The following MMP28 variants were observed in gnomAD, a reference collection of about 807,000 sequenced individuals.
MMP28 encodes the protein matrix metallopeptidase 28, also known as matrix metalloproteinase-28.
A neutral mutation model predicts 60.5 loss-of-function variants in MMP28; 55 were observed. The observed-to-expected ratio is 0.91, with a 90% CI of 0.73 to 1.14. The LOEUF is 1.14. Among genes scored for constraint, MMP28 ranks in the 50% most tolerant of loss-of-function variants. The pLI, the probability that MMP28 is intolerant of heterozygous loss-of-function variation, is 0.00. For synonymous variants in MMP28, 318 were observed against 312.5 expected (o/e 1.02, Z -0.18); for missense variants, 686 against 738.3 (o/e 0.93, Z 0.82).
chr17:35,795,417 C>A lies in MMP28; in HGVS notation c.-40G>T. On this transcript the variant is annotated 5_prime_UTR_variant, in exon 1 of 8. Transcript: ENST00000605424. ...TGCAGCCCGGCTCGGGGAGCTACTGCGCGCAGGGAACCAGCCGGCAGTCAG... is the reference window on the plus strand; with the variant it reads ...TGCAGCCCGGCTCGGGGAGCTACTGAGCGCAGGGAACCAGCCGGCAGTCAG... 22 of 1,351,042 alleles carry A rather than the reference C, an allele frequency of 1.6e-5. No homozygotes were observed. The highest frequency in any genetic ancestry group is 2.0e-5 in the Non-Finnish European group (21 of 1,049,640). The allele number at this position is 1,351,042 out of a possible 1,614,324, so 83.7% of individuals were successfully genotyped here. A position where few individuals can be genotyped will look rare whatever the true frequency, so the allele number is the denominator to read the frequency against.
In MMP28 at chr17:35,767,733, G is replaced by A. The variant is rs144471571; in HGVS notation, c.1168+19C>T. 188 of 1,551,196 alleles carry A rather than the reference G, an allele frequency of 1.2e-4. No individual in the cohort carries two copies. Among genetic ancestry groups the A allele is most frequent in the Non-Finnish European group, 1.5e-4 (172 of 1,147,206 alleles). ...CCCTCTCTAGGGCTCAGTTTTCCCCGCTGCCCCAGAGCCAGTACCTTTGAA... is the reference window on the plus strand; with the variant it reads ...CCCTCTCTAGGGCTCAGTTTTCCCCACTGCCCCAGAGCCAGTACCTTTGAA... On this transcript the variant is annotated intron_variant, in intron 7 of 7. Transcript: ENST00000605424.
intron 3 of MMP28, among the ~76,000 whole-genome samples, chr17:35,777,032 T>C (rs1449061533): frequency 6.6e-6 from 1 of 152,218 alleles, no homozygotes; most frequent in Non-Finnish European, 1.5e-5. Flanking sequence ...GTACAGCTGC[T>C]GAACTGTTTC....
intron 1 of MMP28, among the ~76,000 whole-genome samples, chr17:35,786,555 G>A (rs936669580): frequency 4.6e-5 from 7 of 151,870 alleles, no homozygotes; most frequent in Non-Finnish European, 7.4e-5. Flanking sequence ...GTGTATCTTT[G>A]GCATTATTAG....
At chr17:35,764,395 C>A (rs782733534), downstream of MMP28, 14 of 1,503,324 alleles carry the variant, frequency 9.3e-6, no homozygotes, top group South Asian at 3.9e-5. Context: ...GGGGCTGCCC[C>A]AGGCACTGAG....
At chr17:35,771,542 C>G (rs2086140444) in intron 4 of MMP28, among the ~76,000 whole-genome samples, 1 of 148,720 alleles carries the variant, frequency 6.7e-6, no homozygotes, top group Admixed American at 6.7e-5. Context: ...GATTTGGGTG[C>G]TGGGAGCATT....
At chr17:35,776,901 AAGAGAG>A (rs111566863) in intron 3 of MMP28, among the ~76,000 whole-genome samples, 1 of 151,914 alleles carries the variant, frequency 6.6e-6, no homozygotes, top group Non-Finnish European at 1.5e-5. Flanking sequence ...AAAAAAAAGA[AAGAGAG>A]AGAGAGAGAT....
At chr17:35,775,526 G>A (rs777939999) in intron 3 of MMP28, among the ~76,000 whole-genome samples, 16 of 152,212 alleles carry the variant, frequency 1.1e-4, no homozygotes, top group Non-Finnish European at 2.2e-4. Context: ...CTGGAGTTCC[G>A]ACTCCCAGCA....
intron 1 of MMP28, among the ~76,000 whole-genome samples, chr17:35,794,510 T>C (rs189655985): frequency 1.3e-5 from 2 of 151,966 alleles, no homozygotes; most frequent in African/African-American, 4.8e-5. Context: ...CCTCCCAAAG[T>C]GCTGGGATTA....
Position 35,766,839 on chromosome 17 carries a change from C to A in MMP28, c.1224G>T (p.Leu408=). 6.3e-7 allele frequency: 1 copy of A among 1,578,642 alleles called. No individual in the cohort carries two copies. Among genetic ancestry groups the A allele is most frequent in the Non-Finnish European group, 8.6e-7 (1 of 1,163,132 alleles). The part of the protein sequence containing the change: ...GPKPVWGLPQ[L]CRAGGLPRHP... ...GGCGGGGCAGGCCCCCTGCCCGGCA[C>A]AGCTGTGGGAGACCCCACACTGGCT... Residue 408 remains leucine, a synonymous_variant, in exon 8 of 8, where the codon CTG becomes CTT. Coordinates refer to ENST00000605424, the MANE Select transcript of MMP28 (RefSeq NM_024302.5). The surrounding 1 kb of genome is among the most constrained non-coding windows in gnomAD (Gnocchi z 4.3).
chr17:35,756,955 T>C (rs2085746075), intron 2 of MMP28, among the ~76,000 whole-genome samples: 1 of 151,636 alleles, frequency 6.6e-6, no homozygotes, highest in Admixed American at 6.6e-5. Context: ...CCCAGCACTT[T>C]AGGAAGCCAA....
Position 35,770,371 on chromosome 17 carries a change from C to T in MMP28, c.605-59G>A, listed in dbSNP as rs566043136. On this transcript the variant is annotated intron_variant, in intron 4 of 7. Coordinates refer to ENST00000605424, the MANE Select transcript of MMP28 (RefSeq NM_024302.5). The stretch of plus-strand genomic sequence containing the variant: ...GGCCCACGACGCCCCCAGGTACTCG[C>T]GGCCCAGCGCAAATGCCACTGGGGT... The T allele has an allele frequency of 4.6e-5, 66 of 1,443,602 alleles. No homozygotes were observed. The South Asian group carries it at 7.1e-4, about 15-fold the overall frequency. The allele number at this position is 1,443,602 out of a possible 1,614,324, so 89.4% of individuals were successfully genotyped here. A position where few individuals can be genotyped will look rare whatever the true frequency, so the allele number is the denominator to read the frequency against.
At chr17:35,764,021 T>C (rs200805689), downstream of MMP28, 9 of 1,544,882 alleles carry the variant, frequency 5.8e-6, no homozygotes, top group Admixed American at 1.8e-4. Context: ...GAAGACCCCC[T>C]TGTGGAAGAA....
At position 35,792,823 on chromosome 17, in the gene MMP28, T is replaced by C. The variant is rs147283679; in HGVS notation, c.111+2444A>G. Among the ~76,000 whole-genome samples, 1,243 of 152,340 alleles carry C rather than the reference T, an allele frequency of 8.2e-3. 11 individuals are homozygous for C. Among genetic ancestry groups the C allele is most frequent in the African/African-American group, 0.028 (1,162 of 41,576 alleles). ...CTTTTATAGACTGCTTTCTATGTCC[T>C]ATGAGCTGTGTTAGGCATTGTACAT... is the stretch of plus-strand genomic sequence containing the variant. On this transcript the variant is annotated intron_variant, in intron 1 of 7. Transcript: ENST00000605424.
At chr17:35,778,092 T>C (rs2086386405) in intron 3 of MMP28, among the ~76,000 whole-genome samples, 1 of 152,194 alleles carries the variant, frequency 6.6e-6, no homozygotes, top group Non-Finnish European at 1.5e-5. Flanking sequence ...CAAATCTTCA[T>C]AAATCTTAGA....
intron 1 of MMP28, among the ~76,000 whole-genome samples, chr17:35,789,217 A>T (rs1262002386): frequency 6.6e-6 from 1 of 152,248 alleles, no homozygotes; most frequent in Non-Finnish European, 1.5e-5. Context: ...AGACATGGAC[A>T]CAGAGGAAGA....
At chr17:35,765,824 C>T, downstream of MMP28, 1 of 985,124 alleles carries the variant, frequency 1.0e-6, no homozygotes, top group Non-Finnish European at 1.2e-6. Flanking sequence ...CCCACCTGCT[C>T]TCACAGCAAA....
At chr17:35,783,350 A>G (rs1015801953) in intron 1 of MMP28, among the ~76,000 whole-genome samples, 2 of 152,218 alleles carry the variant, frequency 1.3e-5, no homozygotes, top group African/African-American at 4.8e-5. Context: ...AATGCAATCC[A>G]TCTGTAAAAA....
intron 2 of MMP28, among the ~76,000 whole-genome samples, chr17:35,759,961 A>G (rs77783282): frequency 0.021 from 3,159 of 152,244 alleles, 65 homozygotes; most frequent in East Asian, 0.11. Flanking sequence ...TGCAAATAGG[A>G]TAACATTTCA....
At position 35,767,797 on chromosome 17, in the gene MMP28, C is replaced by A. The variant is rs766427332; in HGVS notation, c.1123G>T (p.Ala375Ser). The A allele has an allele frequency of 3.5e-5, 56 of 1,598,212 alleles. No individual in the cohort carries two copies. The highest frequency in any genetic ancestry group is 4.4e-5 in the Non-Finnish European group (52 of 1,172,676). The change falls in exon 7 of 8, where the codon GCT becomes TCT. Residue 375 changes from alanine to serine, a missense_variant. Ala to Ser is a moderately conservative substitution (Grantham distance 99). Transcript: ENST00000605424. ...RWVGLPPNIE[A>S]AAVSLNDGDF... Reference sequence around the variant, plus strand: ...CCATCATTCAATGACACTGCCGCAGCCTCAATGTTGGGGGGCAGCCCGACC... The same window carrying A: ...CCATCATTCAATGACACTGCCGCAGACTCAATGTTGGGGGGCAGCCCGACC...
Sources: allele counts gnomAD v4.1 joint callset (sites outside exome capture counted in the v4.1 genomes callset), GRCh38; gene constraint gnomAD v4.1.1; non-coding constraint Gnocchi (gnomAD v3.1); transcripts MANE v1.5; gene names NCBI Gene and HGNC (gene_info 2026-07-23, HGNC 2026-07-21).